The following ABCC8 variants were observed in gnomAD, a reference collection of about 807,000 sequenced individuals.
The protein encoded by ABCC8 is ATP-binding cassette sub-family C member 8.
A neutral mutation model predicts 188.0 loss-of-function variants in ABCC8; 137 were observed. The ratio of observed to expected loss-of-function variants is 0.73; its 90% CI spans 0.63 to 0.84. The LOEUF is 0.84. Ranked by LOEUF, ABCC8 falls within the 40% of genes least tolerant of loss-of-function variation. The probability of loss-of-function intolerance (pLI) is 0.00; values close to 1 mark genes in which losing one functional copy is unlikely to be tolerated. For synonymous variants in ABCC8, 797 were observed against 846.5 expected, an observed-to-expected ratio of 0.94 and a Z score of 1.01; for missense variants, 1,750 against 2,072.7, an observed-to-expected ratio of 0.84 and a Z score of 3.02.
In ABCC8 at chr11:17,414,494, C is replaced by A. The variant is rs777425697; in HGVS notation, c.2390+18G>T. The A allele has an allele frequency of 6.2e-7, 1 of 1,614,108 alleles. No homozygotes were observed. Among genetic ancestry groups the A allele is most frequent in the South Asian group, 1.1e-5 (1 of 91,086 alleles). ...GTTCCTCCCCTCCACATCCTGCCTC[C>A]CTCCGACAGGCTTTTACCGTTGTTT... On this transcript the variant is annotated intron_variant, in intron 19 of 38. Coordinates refer to ENST00000389817, the MANE Select transcript of ABCC8 (RefSeq NM_000352.6).
At chr11:17,415,224 A>G in intron 18 of ABCC8, 80 bp downstream of exon 18, 1 of 1,552,456 alleles carries the variant, frequency 6.4e-7, no homozygotes. Flanking sequence ...GCTGCCCAGC[A>G]GGGTGATGTG....
intron 6 of ABCC8, among the ~76,000 whole-genome samples, chr11:17,456,437 C>T (rs2133656605): frequency 6.6e-6 from 1 of 152,230 alleles, no homozygotes; most frequent in South Asian, 2.1e-4. Flanking sequence ...CTCTGCCAGG[C>T]CAGAGGTATG....
In ABCC8 at chr11:17,442,824, A is replaced by G; in HGVS notation, c.1526T>C (p.Leu509Pro). Residue 509 changes from leucine (L) to proline (P), a missense_variant, in exon 10 of 39, where the codon CTG (leucine) becomes CCG (proline). By Grantham distance (98) the Leu-to-Pro change is moderately conservative (BLOSUM62 -3). Coordinates refer to ENST00000389817, the MANE Select transcript of ABCC8 (RefSeq NM_000352.6). ...TNEMLRGIKLLKLYAWENIFR... is the reference protein window; with the variant it reads ...TNEMLRGIKLPKLYAWENIFR... ...GATGTTCTCCCAGGCGTACAGCTTC[A>G]GCAGCTTGATGCCGCGGAGCATCTC... 1 of 1,614,076 alleles carries G rather than the reference A, an allele frequency of 6.2e-7. No homozygotes were observed. The highest frequency in any genetic ancestry group is 8.5e-7 in the Non-Finnish European group (1 of 1,180,018).
Position 17,404,368 on chromosome 11 carries a change from T to A in ABCC8, c.3557+144A>T. On this transcript the variant is annotated intron_variant, in intron 28 of 38. Coordinates refer to ENST00000389817, the MANE Select transcript of ABCC8 (RefSeq NM_000352.6). The surrounding 1 kb of genome is among the most constrained non-coding windows in gnomAD (Gnocchi z 4.7). ...TTAGGGCGGTGGAATAAGATGTGGA[T>A]ATTTCTATTTCCTTCATTTCTGTTT... is the stretch of plus-strand genomic sequence containing the variant. 1 of 844,278 alleles carries A rather than the reference T, an allele frequency of 1.2e-6. No homozygotes were observed. Among genetic ancestry groups the A allele is most frequent in the Non-Finnish European group, 2.0e-6 (1 of 496,646 alleles). 52.3% of individuals were successfully genotyped at this position (844,278 alleles called of 1,614,324 possible).
chr11:17,466,097 G>A (rs914233433), intron 3 of ABCC8, among the ~76,000 whole-genome samples: 2 of 152,130 alleles, frequency 1.3e-5, no homozygotes. Flanking sequence ...AGTGAAATAA[G>A]CAAGTCATAA....
intron 3 of ABCC8, among the ~76,000 whole-genome samples, chr11:17,467,253 TA>T (rs1318928571): frequency 6.6e-6 from 1 of 152,120 alleles, no homozygotes; most frequent in Admixed American, 6.6e-5. Context: ...CCAACTCTTC[TA>T]AAAATACAAA....
chr11:17,403,941 G>A (rs1323383714), intron 28 of ABCC8, among the ~76,000 whole-genome samples: 4 of 152,096 alleles, frequency 2.6e-5, no homozygotes, highest in Non-Finnish European at 5.9e-5. Context: ...ATGAATCTGG[G>A]AGAATCACTC....
At chr11:17,444,685 A>G (rs1367344591) in intron 8 of ABCC8, among the ~76,000 whole-genome samples, 1 of 152,242 alleles carries the variant, frequency 6.6e-6, no homozygotes, top group African/African-American at 2.4e-5. Flanking sequence ...GAGAAATAAA[A>G]GGACTATTTT....
chr11:17,397,425 G>C (rs1953996683), intron 31 of ABCC8, 112 bp from the exon 32 acceptor site: 1 of 1,564,554 alleles, frequency 6.4e-7, no homozygotes, highest in Non-Finnish European at 8.6e-7. Context: ...GATTCCTTTT[G>C]CTGCCATCCA....
chr11:17,427,879 G>C lies in ABCC8; in HGVS notation c.2104C>G (p.Arg702Gly). Residue 702 changes from arginine to glycine, a missense_variant, in exon 15 of 39, where the codon CGT (arginine) becomes GGT (glycine). Arg to Gly is a moderately radical substitution (Grantham distance 125). Transcript: ENST00000389817. The surrounding 1 kb of genome is among the most constrained non-coding windows in gnomAD (Gnocchi z 5.0). Reference sequence around the variant, plus strand: ...GACTGGGCCATACCTCGGGGGATACGAATGGTGATGTTGGACAGTGTGGGG... The same window carrying C: ...GACTGGGCCATACCTCGGGGGATACCAATGGTGATGTTGGACAGTGTGGGG... ...GIPTLSNITI[R>G]IPRGQLTMIV... The C allele has an allele frequency of 6.2e-7, 1 of 1,614,096 alleles. No homozygotes were observed. The highest frequency in any genetic ancestry group is 8.5e-7 in the Non-Finnish European group (1 of 1,180,000).
Position 17,398,334 on chromosome 11 carries a change from C to G in ABCC8, c.3753+5G>C, listed in dbSNP as rs767422948. On this transcript the variant is annotated splice_donor_5th_base_variant and intron_variant, in intron 30 of 38. Coordinates refer to ENST00000389817, the MANE Select transcript of ABCC8 (RefSeq NM_000352.6). ...GAGGCCAGGGTAGAGGGGAATAGCA[C>G]TTGCCATTCGGACTTCCAGCCATCT... The G allele has an allele frequency of 6.2e-7, 1 of 1,614,054 alleles. No homozygotes were observed. Among genetic ancestry groups the G allele is most frequent in the South Asian group, 1.1e-5 (1 of 91,072 alleles).
At position 17,397,253 on chromosome 11, in the gene ABCC8, C is replaced by A. The variant is rs745417115; in HGVS notation, c.3928G>T (p.Ala1310Ser). 10 of 1,613,470 alleles carry A rather than the reference C, an allele frequency of 6.2e-6. No individual in the cohort carries two copies. The South Asian group carries it at 8.8e-5, about 14-fold the overall frequency. The change falls in exon 32 of 39, where the codon GCT becomes TCT. Residue 1310 changes from alanine (A) to serine (S), a missense_variant. Ala to Ser is a moderately conservative substitution (Grantham distance 99, BLOSUM62 1). Transcript: ENST00000389817. ...NLADMELQLG[A>S]VKRIHGLLKT... is the part of the protein sequence containing the mutation. ...AGGAGCCCATGGATGCGCTTCACAG[C>A]CCCCAGCTGGAGCTCCATGTCTGCC...
rs1955709311 is a variant in ABCC8 at position 17,428,676 on chromosome 11, CG to C, written c.1818-7del. 3.1e-6 allele frequency: 5 copies of C among 1,611,866 alleles called. No individual in the cohort carries two copies. On this transcript the variant is annotated splice_region_variant and splice_polypyrimidine_tract_variant and intron_variant, in intron 12 of 38. Transcript: ENST00000389817. ...ACTCGCTTAGCTTTTGCACGCTGCT[CG>C]GGAAGCACAGAGACACCCCTCACCC...
intron 9 of ABCC8, 83 bp from the exon 10 acceptor site, chr11:17,442,965 C>T: frequency 6.2e-7 from 1 of 1,601,656 alleles, no homozygotes; most frequent in Admixed American, 1.7e-5. Context: ...AATACTGTCA[C>T]TGCCATGCCC....
intron 22 of ABCC8, among the ~76,000 whole-genome samples, chr11:17,409,061 T>C (rs1424890111): frequency 6.7e-6 from 1 of 148,466 alleles, no homozygotes; most frequent in Non-Finnish European, 1.5e-5. Flanking sequence ...CAAGCCATCC[T>C]CCTGCCTCAG....
At chr11:17,459,473 C>A (rs906645426) in intron 6 of ABCC8, among the ~76,000 whole-genome samples, 1 of 152,182 alleles carries the variant, frequency 6.6e-6, no homozygotes, top group African/African-American at 2.4e-5. Flanking sequence ...CTAATTATGT[C>A]TCCAGAAAAA....
chr11:17,450,544 G>A (rs1297137779), intron 7 of ABCC8, among the ~76,000 whole-genome samples: 16 of 149,390 alleles, frequency 1.1e-4, no homozygotes, highest in African/African-American at 3.7e-4. Context: ...ACAGGCACCC[G>A]CCACCATGCC....
intron 16 of ABCC8, among the ~76,000 whole-genome samples, chr11:17,421,781 T>C (rs2133507207): frequency 6.6e-6 from 1 of 152,334 alleles, no homozygotes; most frequent in Admixed American, 6.5e-5. Flanking sequence ...AGAGCCTGTG[T>C]GTGCAGCCAT....
At chr11:17,393,396 A>G (rs551534714) in intron 38 of ABCC8, among the ~76,000 whole-genome samples, 1 of 152,208 alleles carries the variant, frequency 6.6e-6, no homozygotes, top group South Asian at 2.1e-4. Context: ...CCCCTCCCCC[A>G]CTTCCTATGG....
Sources: allele counts gnomAD v4.1 joint callset (sites outside exome capture counted in the v4.1 genomes callset), GRCh38; gene constraint gnomAD v4.1.1; non-coding constraint Gnocchi (gnomAD v3.1); transcripts MANE v1.5; gene names NCBI Gene and HGNC (gene_info 2026-07-23, HGNC 2026-07-21).